Variants in PCLO observed in about 807,000 individuals in gnomAD.
The protein encoded by PCLO is piccolo presynaptic cytomatrix protein.
Under a neutral mutation model 427.5 loss-of-function variants are expected in PCLO, and 82 were observed. The ratio of observed to expected loss-of-function variants is 0.19; its 90% confidence interval spans 0.16 to 0.23. The LOEUF is 0.23. Ranked by LOEUF, PCLO falls within the 10% of genes least tolerant of loss-of-function variation. The pLI, the probability that PCLO is intolerant of heterozygous loss-of-function variation, is 1.00. For missense variants in PCLO, 6,239 were observed against 6,115.9 expected (o/e 1.02, Z -0.67); for synonymous variants, 2,357 against 2,155.4 (o/e 1.09, Z -2.59).
rs1387694604 is a variant in PCLO at position 82,846,116 on chromosome 7, T to C, written c.13831+451A>G. 9.8e-5 allele frequency among the ~76,000 whole-genome samples: 15 copies of C among 152,300 alleles called. No homozygotes were observed. The East Asian group carries it at 2.1e-3, about 22-fold the overall frequency. ...TTAAATCTATCTCATCATGTACTTA[T>C]GAAATTACATGTTGATTTTTGTTTA... On this transcript the variant is annotated intron_variant, in intron 12 of 24. Coordinates refer to ENST00000333891, the MANE Select transcript of PCLO (RefSeq NM_033026.6).
intron 3 of PCLO, among the ~76,000 whole-genome samples, chr7:83,031,638 G>A (rs948905035): frequency 6.6e-6 from 1 of 152,012 alleles, no homozygotes; most frequent in Non-Finnish European, 1.5e-5. Flanking sequence ...CACCTGTAAT[G>A]ATTGACTTTC....
chr7:83,114,466 A>T (rs139950634), intron 3 of PCLO, among the ~76,000 whole-genome samples: 167 of 152,286 alleles, frequency 1.1e-3, no homozygotes, highest in African/African-American at 3.7e-3. Flanking sequence ...GTCTGAGTAT[A>T]GTCCTACATT....
intron 9 of PCLO, among the ~76,000 whole-genome samples, chr7:82,880,983 A>G (rs913164725): frequency 2.0e-5 from 3 of 152,220 alleles, no homozygotes; most frequent in African/African-American, 7.2e-5. Context: ...CTATTTGAAT[A>G]TCTTTAAAAA....
intron 3 of PCLO, among the ~76,000 whole-genome samples, chr7:83,043,118 C>T (rs1349090815): frequency 4.6e-5 from 7 of 152,166 alleles, no homozygotes; most frequent in African/African-American, 1.4e-4. Context: ...GCATCCCTTC[C>T]CTTTCCCCAT....
At chr7:82,782,728 A>T (rs966750019) in intron 22 of PCLO, among the ~76,000 whole-genome samples, 5 of 152,318 alleles carry the variant, frequency 3.3e-5, no homozygotes, top group African/African-American at 1.2e-4. Context: ...GTTCACTGTT[A>T]TGTTTTTCAT....
At chr7:82,925,861 G>A (rs570107020) in intron 6 of PCLO, among the ~76,000 whole-genome samples, 1 of 151,504 alleles carries the variant, frequency 6.6e-6, no homozygotes, top group African/African-American at 2.4e-5. Flanking sequence ...GACTCCAGGT[G>A]TGCACCACCA....
chr7:82,917,368 A>G (rs1794492877), intron 6 of PCLO, among the ~76,000 whole-genome samples: 1 of 151,932 alleles, frequency 6.6e-6, no homozygotes, highest in Non-Finnish European at 1.5e-5. Context: ...ATATTTCAAG[A>G]TTTTCATGAC....
At chr7:83,124,774 C>G (rs1791384906) in intron 3 of PCLO, among the ~76,000 whole-genome samples, 1 of 152,114 alleles carries the variant, frequency 6.6e-6, no homozygotes, top group Admixed American at 6.5e-5. Flanking sequence ...CCCTCGTCTC[C>G]CTCTCCCGCT....
chr7:82,946,577 G>A lies in PCLO; in HGVS notation c.11112+2899C>T, dbSNP rs541186510. On this transcript the variant is annotated intron_variant, in intron 6 of 24. Coordinates refer to ENST00000333891, the MANE Select transcript of PCLO (RefSeq NM_033026.6). The stretch of plus-strand genomic sequence containing the variant: ...AATCTGTATGTAGGAGTCAGCATAC[G>A]TATATCTGGGGAGATAGAGGCACAG... Among the ~76,000 whole-genome samples the A allele has an allele frequency of 7.9e-5, 12 of 152,180 alleles. No individual in the cohort carries two copies. The South Asian group carries it at 2.1e-3, about 26-fold the overall frequency.
In PCLO at chr7:82,754,780, A is replaced by G. The variant is rs1790282637; in HGVS notation, c.*3795T>C. The G allele has an allele frequency of 6.6e-6, 1 of 152,114 alleles. No homozygotes were observed. Among genetic ancestry groups the G allele is most frequent in the South Asian group, 2.1e-4 (1 of 4,834 alleles). The allele number at this position is 152,114 out of a possible 1,614,324, so 9.4% of individuals were successfully genotyped here. A position where few individuals can be genotyped will look rare whatever the true frequency, so the allele number is the denominator to read the frequency against. On this transcript the variant is annotated 3_prime_UTR_variant, in exon 25 of 25. Transcript: ENST00000333891. The stretch of plus-strand genomic sequence containing the variant: ...ATTACACCCAAGGCAAGTAATTATT[A>G]AATAAATAGCTCATAATTATTCATT...
chr7:83,146,335 T>C (rs1193270582), intron 2 of PCLO, among the ~76,000 whole-genome samples: 1 of 152,226 alleles, frequency 6.6e-6, no homozygotes, highest in Non-Finnish European at 1.5e-5. Flanking sequence ...TACTTCATAC[T>C]ATTATTACTT....
Position 82,952,299 on chromosome 7 carries a change from T to C in PCLO, c.8654A>G (p.Asp2885Gly). 6.2e-7 allele frequency: 1 copy of C among 1,613,978 alleles called. No individual in the cohort carries two copies. Among genetic ancestry groups the C allele is most frequent in the Non-Finnish European group, 8.5e-7 (1 of 1,179,850 alleles). Reference sequence around the variant, plus strand: ...AGTGATTCCCTGGGATACGGTGCTATCAGTCCATCCATTTGTGACACCAAC... The same window carrying C: ...AGTGATTCCCTGGGATACGGTGCTACCAGTCCATCCATTTGTGACACCAAC... ...PPVGVTNGWT[D>G]STVSQGITDG... is the part of the protein sequence containing the mutation. Residue 2885 changes from aspartate (D) to glycine (G), a missense_variant, in exon 5 of 25, where the codon GAT becomes GGT. Transcript: ENST00000333891.
intron 3 of PCLO, among the ~76,000 whole-genome samples, chr7:82,970,751 G>C (rs1455998160): frequency 6.6e-5 from 10 of 151,882 alleles, no homozygotes; most frequent in African/African-American, 2.4e-4. Flanking sequence ...GAGCATAGGA[G>C]TATCATTGGA....
intron 16 of PCLO, among the ~76,000 whole-genome samples, chr7:82,831,121 T>C (rs1357147762): frequency 6.6e-6 from 1 of 152,120 alleles, no homozygotes; most frequent in East Asian, 1.9e-4. Flanking sequence ...GCTTTTCATG[T>C]GTTAACTCAT....
intron 3 of PCLO, among the ~76,000 whole-genome samples, chr7:82,987,468 A>G (rs1285851452): frequency 2.0e-5 from 3 of 152,054 alleles, no homozygotes; most frequent in Non-Finnish European, 4.4e-5. Context: ...TTTGCTTTAT[A>G]TTATAAAGTC....
chr7:83,016,894 T>G (rs28156), intron 3 of PCLO, among the ~76,000 whole-genome samples: 3 of 151,890 alleles, frequency 2.0e-5, no homozygotes, highest in South Asian at 4.1e-4. Flanking sequence ...CTAGGACAGA[T>G]AGCAGAGCCA....
intron 9 of PCLO, among the ~76,000 whole-genome samples, chr7:82,881,583 T>C (rs1244157219): frequency 6.6e-6 from 1 of 152,200 alleles, no homozygotes; most frequent in Admixed American, 6.6e-5. Context: ...ACTATATACA[T>C]AGAAACAATT....
intron 3 of PCLO, among the ~76,000 whole-genome samples, chr7:83,042,715 A>C (rs2116218023): frequency 6.6e-6 from 1 of 152,258 alleles, no homozygotes; most frequent in Middle Eastern, 3.4e-3. Flanking sequence ...ACAAAATATT[A>C]GTTGGTTGTG....
At chr7:82,968,517 C>CTTTTTTTTTTTTTTTT (rs11324005) in intron 3 of PCLO, among the ~76,000 whole-genome samples, 4 of 73,228 alleles carry the variant, frequency 5.5e-5, no homozygotes, top group African/African-American at 1.9e-4. Flanking sequence ...CAGAGTCTGA[C>CTTTTTTTTTTTTTTTT]TTTTTTTTTT....
Sources: gnomAD v4.1 joint callset for allele counts (sites outside exome capture counted in the v4.1 genomes callset) on GRCh38, gnomAD v4.1.1 for gene constraint, MANE v1.5 for transcripts, NCBI Gene and HGNC (gene_info 2026-07-23, HGNC 2026-07-21) for gene names.